The following TTC19 variants were observed in gnomAD, a reference collection of about 807,000 sequenced individuals.
TTC19 encodes tetratricopeptide repeat protein 19, mitochondrial.
A neutral mutation model predicts 49.5 loss-of-function variants in TTC19; 38 were observed. The observed-to-expected ratio is 0.77, with a 90% confidence interval of 0.59 to 1.01. The LOEUF (loss-of-function observed/expected upper bound fraction) is 1.01, where lower values mean the gene tolerates loss of function less well. Among genes scored for constraint, TTC19 ranks in the 50% least tolerant of loss-of-function variants. TTC19 has a pLI of 0.00. For missense variants in TTC19, 475 were observed against 477.7 expected (o/e 0.99, Z 0.05); for synonymous variants, 204 against 185.2 (o/e 1.10, Z -0.83).
rs768968665 is a variant in TTC19 at position 16,025,004 on chromosome 17, C to T, written c.677-13C>T. 1 of 1,613,798 alleles carries T rather than the reference C, an allele frequency of 6.2e-7. No individual in the cohort carries two copies. Among genetic ancestry groups the T allele is most frequent in the Non-Finnish European group, 8.5e-7 (1 of 1,179,726 alleles). ...CATTTGGGTAGATTTGCTGATTCCTCTTTTCTCCTTAGTGGAAGAGAAAGC... is the reference window on the plus strand; with the variant it reads ...CATTTGGGTAGATTTGCTGATTCCTTTTTTCTCCTTAGTGGAAGAGAAAGC... On this transcript the variant is annotated splice_polypyrimidine_tract_variant and intron_variant, in intron 7 of 9. Coordinates refer to ENST00000261647, the MANE Select transcript of TTC19 (RefSeq NM_017775.4).
At chr17:16,023,949 C>T (rs577947726) in intron 7 of TTC19, 10 of 152,294 alleles carry the variant, frequency 6.6e-5, no homozygotes, top group Middle Eastern at 3.4e-3. Context: ...TAAATAAACC[C>T]AACTGAACCT....
chr17:16,033,747 C>A (rs1331735955), downstream of TTC19, among the ~76,000 whole-genome samples: 1 of 152,090 alleles, frequency 6.6e-6, no homozygotes, highest in Non-Finnish European at 1.5e-5. Context: ...TAATAAGTAT[C>A]CTGGAGTATT....
At chr17:16,026,463 G>C (rs1971564067) in intron 8 of TTC19, 77 bp from the exon 9 acceptor site, 5 of 1,327,948 alleles carry the variant, frequency 3.8e-6, no homozygotes, top group Non-Finnish European at 5.3e-6. Context: ...TATGTATTCA[G>C]AGTTGGATGC....
chr17:16,023,605 C>G (rs1256592279), intron 7 of TTC19: 1 of 152,200 alleles, frequency 6.6e-6, no homozygotes, highest in Non-Finnish European at 1.5e-5. Context: ...GTTGAAGATT[C>G]ATTTGATGAA....
intron 7 of TTC19, among the ~76,000 whole-genome samples, chr17:16,012,021 CTTT>C (rs376780749): frequency 2.7e-5 from 4 of 146,630 alleles, no homozygotes; most frequent in Non-Finnish European, 4.5e-5. Flanking sequence ...TGAGGTTTAT[CTTT>C]TTTTTTTTCT....
Position 15,999,993 on chromosome 17 carries a change from C to T in TTC19, c.145C>T (p.Pro49Ser). 1 of 1,264,996 alleles carries T rather than the reference C, an allele frequency of 7.9e-7. No homozygotes were observed. Among genetic ancestry groups the T allele is most frequent in the Non-Finnish European group, 9.9e-7 (1 of 1,007,538 alleles). 78.4% of individuals were successfully genotyped at this position (1,264,996 alleles called of 1,614,324 possible). The stretch of plus-strand genomic sequence containing the variant: ...GCAGGTGCCGCCATCCCGAGTCGCG[C>T]CGCACGGCCGGGGCCCAGGCCTGCT... ...EVQVPPSRVA[P>S]HGRGPGLLPL... The change falls in exon 1 of 10, where the codon CCG (proline) becomes TCG (serine). Residue 49 changes from proline (P) to serine (S), a missense_variant. Physicochemically the swap from Pro to Ser is moderately conservative, Grantham distance 74. Coordinates refer to ENST00000261647, the MANE Select transcript of TTC19 (RefSeq NM_017775.4).
rs1399908322 is a variant in TTC19, at chr17:16,000,255, C to T, written c.312+10C>T. 6.3e-7 allele frequency: 1 copy of T among 1,593,678 alleles called. No homozygotes were observed. Among genetic ancestry groups the T allele is most frequent in the Non-Finnish European group, 8.5e-7 (1 of 1,178,476 alleles). ...GCTGAAGCGAGCCAAGGTGAGGCGG[C>T]TCCGGGCCCTGCGCCCGGCCGAGCG... On this transcript the variant is annotated intron_variant, in intron 2 of 9. Transcript: ENST00000261647.
At chr17:16,040,605 CA>C in intron 2 of TTC19, 2 of 949,648 alleles carry the variant, frequency 2.1e-6, no homozygotes, top group Non-Finnish European at 3.2e-6. Flanking sequence ...TTCATGATCT[CA>C]ACCTTTATTT....
chr17:16,017,194 G>A (rs1158819171), intron 7 of TTC19, among the ~76,000 whole-genome samples: 1 of 152,008 alleles, frequency 6.6e-6, no homozygotes, highest in Non-Finnish European at 1.5e-5. Flanking sequence ...CATTTTCAGT[G>A]TATCTTTTAT....
intron 2 of TTC19, among the ~76,000 whole-genome samples, chr17:16,042,060 C>G (rs1381722962): frequency 6.6e-6 from 1 of 152,102 alleles, no homozygotes; most frequent in Non-Finnish European, 1.5e-5. Flanking sequence ...AATGAGACCA[C>G]AGAAGGATGG....
Position 16,026,885 on chromosome 17 carries a change from C to T in TTC19, c.994+183C>T, listed in dbSNP as rs760080462. 3.1e-5 allele frequency: 22 copies of T among 709,484 alleles called. No individual in the cohort carries two copies. The East Asian group carries it at 4.1e-4, about 13-fold the overall frequency. The allele number at this position is 709,484 out of a possible 1,614,324, so 43.9% of individuals were successfully genotyped here. On this transcript the variant is annotated intron_variant, in intron 9 of 9. Transcript: ENST00000261647. ...TTGAAGTACTATTGTGTTCAATTCA[C>T]GTAACTTCTACAGACCTGCACTAGC...
chr17:16,019,564 A>G (rs1321380357), intron 7 of TTC19, among the ~76,000 whole-genome samples: 1 of 149,138 alleles, frequency 6.7e-6, no homozygotes, highest in Non-Finnish European at 1.5e-5. Flanking sequence ...TCCTCTAATT[A>G]ATCCACTGGG....
At chr17:16,018,623 C>G (rs1971282316) in intron 7 of TTC19, among the ~76,000 whole-genome samples, 1 of 152,138 alleles carries the variant, frequency 6.6e-6, no homozygotes, top group Admixed American at 6.6e-5. Flanking sequence ...CCTCCTACCT[C>G]AGCCTCCCAA....
intron 2 of TTC19, among the ~76,000 whole-genome samples, chr17:16,036,658 AC>A (rs1290931827): frequency 2.6e-5 from 4 of 152,292 alleles, no homozygotes; most frequent in Admixed American, 2.6e-4. Flanking sequence ...GGCTTCTTCA[AC>A]CTCTGAATGG....
In TTC19 at chr17:16,001,956, T is replaced by C; in HGVS notation, c.354T>C (p.Ile118=). ...MKDEPEEAEL[I]LHDALRLAYQ... ...ATGAGCCAGAAGAGGCTGAGTTAAT[T>C]TTGCATGACGCTCTTCGTCTCGCCT... The change falls in exon 3 of 10, where the codon ATT becomes ATC. Residue 118 remains isoleucine, a synonymous_variant. Coordinates refer to ENST00000261647, the MANE Select transcript of TTC19 (RefSeq NM_017775.4). The C allele has an allele frequency of 6.2e-7, 1 of 1,613,382 alleles. No individual in the cohort carries two copies.
intron 6 of TTC19, among the ~76,000 whole-genome samples, chr17:16,005,045 G>C (rs1970859319): frequency 6.6e-6 from 1 of 152,218 alleles, no homozygotes; most frequent in African/African-American, 2.4e-5. Flanking sequence ...CCTAGTTCTT[G>C]ATTGGGTATG....
intron 9 of TTC19, 39 bp from the exon 10 acceptor site, chr17:16,027,335 A>G (rs371823056): frequency 1.2e-6 from 2 of 1,611,504 alleles, no homozygotes; most frequent in Non-Finnish European, 1.7e-6. Flanking sequence ...GAAAACATAC[A>G]CTTTCTTCTT....
At position 16,028,683 on chromosome 17, in the gene TTC19, A is replaced by G; in HGVS notation, c.*1161A>G. The G allele has an allele frequency of 2.2e-6, 1 of 453,894 alleles. No homozygotes were observed. Among genetic ancestry groups the G allele is most frequent in the Non-Finnish European group, 4.4e-6 (1 of 226,726 alleles). 28.1% of individuals were successfully genotyped at this position (453,894 alleles called of 1,614,324 possible). A position where few individuals can be genotyped will look rare whatever the true frequency, so the allele number is the denominator to read the frequency against. On this transcript the variant is annotated 3_prime_UTR_variant, in exon 10 of 10. Transcript: ENST00000261647. Reference sequence around the variant, plus strand: ...ATGAAGGAAGATTGACCCTGTTGGTATGCCTGTGGGGGTGGGATGTGAGTG... The same window carrying G: ...ATGAAGGAAGATTGACCCTGTTGGTGTGCCTGTGGGGGTGGGATGTGAGTG...
intron 2 of TTC19, 136 bp downstream of exon 2, chr17:16,000,381 A>C: frequency 6.6e-7 from 1 of 1,512,616 alleles, no homozygotes; most frequent in African/African-American, 1.4e-5. Context: ...GCCGAGAATG[A>C]GGTGGGTCAT....
Sources: gnomAD v4.1 joint callset for allele counts (sites outside exome capture counted in the v4.1 genomes callset) on GRCh38, gnomAD v4.1.1 for gene constraint, MANE v1.5 for transcripts, NCBI Gene and HGNC (gene_info 2026-07-23, HGNC 2026-07-21) for gene names.